SMIM40: variants seen among roughly 807,000 people sequenced by gnomAD.
The protein encoded by SMIM40 is small integral membrane protein 40.
At chr6:33,324,670 G>C (rs1343387729) in intron 1 of SMIM40, among the ~76,000 whole-genome samples, 5 of 147,654 alleles carry the variant, frequency 3.4e-5, no homozygotes, top group Non-Finnish European at 7.5e-5. Context: ...GTATCATGGG[G>C]TCAAGAGATC....
intron 1 of SMIM40, 21 bp downstream of exon 1, chr6:33,328,966 C>T: frequency 5.0e-6 from 2 of 396,118 alleles, no homozygotes; most frequent in Non-Finnish European, 8.9e-6. Flanking sequence ...ACTCCCATTT[C>T]CCTCCTGTCT....
At chr6:33,328,236 C>T (rs970330910) in intron 1 of SMIM40, among the ~76,000 whole-genome samples, 2 of 150,858 alleles carry the variant, frequency 1.3e-5, no homozygotes, top group Non-Finnish European at 3.0e-5. Flanking sequence ...TCACCCAGGC[C>T]GGAGTGCAAT....
chr6:33,328,160 AT>A (rs1411767274), intron 1 of SMIM40, among the ~76,000 whole-genome samples: 3 of 151,484 alleles, frequency 2.0e-5, no homozygotes, highest in African/African-American at 7.3e-5. Flanking sequence ...CCTTGAAACA[AT>A]TTTTATTTAT....
At chr6:33,325,836 C>CG (rs1771138828) in intron 1 of SMIM40, among the ~76,000 whole-genome samples, 1 of 143,452 alleles carries the variant, frequency 7.0e-6, no homozygotes. Flanking sequence ...CCAGCCTGGG[C>CG]GACAGAGCGA....
chr6:33,329,181 G>C lies in SMIM40; in HGVS notation c.85C>G (p.Arg29Gly). ...GPSPPRGPVR[R>G]ALDKAFFIFL... ...ATAAAGAAAGCCTTGTCCAAGGCACGTCGCACGGGACCCCTGGGAGGGGAG... is the reference window on the plus strand; with the variant it reads ...ATAAAGAAAGCCTTGTCCAAGGCACCTCGCACGGGACCCCTGGGAGGGGAG... The change falls in exon 1 of 3, where the codon CGT (arginine) becomes GGT (glycine). Residue 29 changes from arginine to glycine, a missense_variant. Physicochemically the swap from Arg to Gly is moderately radical, Grantham distance 125. Transcript: ENST00000494082. 2 of 398,868 alleles carry C rather than the reference G, an allele frequency of 5.0e-6. No individual in the cohort carries two copies. The highest frequency in any genetic ancestry group is 8.8e-6 in the Non-Finnish European group (2 of 226,230). 24.7% of individuals were successfully genotyped at this position (398,868 alleles called of 1,614,324 possible). A position where few individuals can be genotyped will look rare whatever the true frequency, so the allele number is the denominator to read the frequency against.
chr6:33,324,882 CAAAAAAAAAAAAA>C (rs376451265), intron 1 of SMIM40, among the ~76,000 whole-genome samples: 11 of 47,242 alleles, frequency 2.3e-4, no homozygotes, highest in South Asian at 1.4e-3. Context: ...GAGATTATCT[CAAAAAAAAAAAAA>C]AAAAAAAAAA....
intron 1 of SMIM40, among the ~76,000 whole-genome samples, chr6:33,328,708 G>T (rs1245962805): frequency 1.3e-5 from 2 of 151,770 alleles, no homozygotes; most frequent in East Asian, 3.9e-4. Context: ...CTAACATGGA[G>T]AAACCTTGTC....
chr6:33,328,151 C>A (rs1280230052), intron 1 of SMIM40, among the ~76,000 whole-genome samples: 1 of 151,252 alleles, frequency 6.6e-6, no homozygotes, highest in Non-Finnish European at 1.5e-5. Context: ...GAATTACATC[C>A]TTGAAACAAT....
chr6:33,324,545 C>CTTTTTTT (rs9280406), intron 1 of SMIM40, among the ~76,000 whole-genome samples: 1 of 103,212 alleles, frequency 9.7e-6, no homozygotes, highest in Non-Finnish European at 1.9e-5. Flanking sequence ...ACCACCTTTT[C>CTTTTTTT]TTTTTTTTTT....
At chr6:33,327,648 T>A (rs537896104) in intron 1 of SMIM40, among the ~76,000 whole-genome samples, 1 of 151,786 alleles carries the variant, frequency 6.6e-6, no homozygotes, top group African/African-American at 2.4e-5. Context: ...TCACTTGAGG[T>A]CAGGAGTTCC....
intron 1 of SMIM40, among the ~76,000 whole-genome samples, chr6:33,325,111 A>G (rs3130101): frequency 0.42 from 62,444 of 150,262 alleles, 14,515 homozygotes; most frequent in South Asian, 0.61. Context: ...TCATGCCTGT[A>G]ATCCCAGAAC....
chr6:33,326,345 AT>A (rs9282495), intron 1 of SMIM40, among the ~76,000 whole-genome samples: 67 of 138,248 alleles, frequency 4.8e-4, no homozygotes, highest in Admixed American at 5.7e-4. Context: ...TATTTTTTGT[AT>A]TTTTTTTTTT....
At chr6:33,327,036 A>G (rs1296156554) in intron 1 of SMIM40, among the ~76,000 whole-genome samples, 2 of 149,154 alleles carry the variant, frequency 1.3e-5, no homozygotes, top group African/African-American at 5.2e-5. Context: ...AGGCAGGAGA[A>G]TCGCTTGAAC....
intron 1 of SMIM40, among the ~76,000 whole-genome samples, chr6:33,327,297 C>T (rs1771261238): frequency 6.7e-6 from 1 of 149,630 alleles, no homozygotes; most frequent in African/African-American, 2.6e-5. Context: ...TGGCTCGCGC[C>T]TTTAGTCCCA....
rs1049057511 is a variant in SMIM40 at position 33,326,848 on chromosome 6, G to A, written c.*39+2139C>T. Reference sequence around the variant, plus strand: ...CAAAAAATAAAAAAATAGGCCGGGCGTGGTGGCTCAAACCTGTAATCCCAG... The same window carrying A: ...CAAAAAATAAAAAAATAGGCCGGGCATGGTGGCTCAAACCTGTAATCCCAG... On this transcript the variant is annotated intron_variant, in intron 1 of 2. Transcript: ENST00000494082. 4.3e-5 allele frequency among the ~76,000 whole-genome samples: 6 copies of A among 140,178 alleles called. No individual in the cohort carries two copies. The East Asian group carries it at 1.1e-3, about 25-fold the overall frequency. The allele number at this position is 140,178 out of a possible 152,430, so 92.0% of individuals were successfully genotyped here.
At position 33,328,981 on chromosome 6, in the gene SMIM40, T is replaced by A; in HGVS notation, c.*39+6A>T. 1 of 353,048 alleles carries A rather than the reference T, an allele frequency of 2.8e-6. No homozygotes were observed. The highest frequency in any genetic ancestry group is 4.4e-5 in the East Asian group (1 of 22,580). 21.9% of individuals were successfully genotyped at this position (353,048 alleles called of 1,614,324 possible). On this transcript the variant is annotated splice_donor_region_variant and intron_variant, in intron 1 of 2. Coordinates refer to ENST00000494082, the MANE Select transcript of SMIM40 (RefSeq NM_001369203.1). Reference sequence around the variant, plus strand: ...ACTCCCATTTCCCTCCTGTCTCCCCTCTCACCTCCTTGGTGGGGAAAGAAG... The same window carrying A: ...ACTCCCATTTCCCTCCTGTCTCCCCACTCACCTCCTTGGTGGGGAAAGAAG...
intron 1 of SMIM40, among the ~76,000 whole-genome samples, chr6:33,326,175 T>G (rs1241192221): frequency 2.0e-5 from 3 of 148,084 alleles, no homozygotes; most frequent in African/African-American, 7.9e-5. Flanking sequence ...TTTTTTTTTT[T>G]TTTGAGATGG....
In SMIM40 at chr6:33,329,257, C is replaced by T. The variant is rs1449459398; in HGVS notation, c.9G>A (p.Glu3=). 2 of 398,756 alleles carry T rather than the reference C, an allele frequency of 5.0e-6. No individual in the cohort carries two copies. Among genetic ancestry groups the T allele is most frequent in the Admixed American group, 8.8e-5 (2 of 22,722 alleles). The allele number at this position is 398,756 out of a possible 1,614,324, so 24.7% of individuals were successfully genotyped here. The part of the protein sequence containing the change: MA[E]EGDVDEADVF... ...CATCCGCCTCGTCCACATCACCTTC[C>T]TCTGCCATCCTGACTCACAGTCAGA... is the stretch of plus-strand genomic sequence containing the variant. Residue 3 remains glutamate (E), a synonymous_variant, in exon 1 of 3, where the codon GAG becomes GAA. Transcript: ENST00000494082.
intron 1 of SMIM40, among the ~76,000 whole-genome samples, chr6:33,327,903 A>G (rs1771305824): frequency 1.4e-5 from 2 of 145,820 alleles, no homozygotes; most frequent in Admixed American, 6.9e-5. Context: ...AGCGTGGCCA[A>G]CATGGTGAAA....
Sources: gnomAD v4.1 joint callset for allele counts (sites outside exome capture counted in the v4.1 genomes callset) on GRCh38, gnomAD v4.1.1 for gene constraint, MANE v1.5 for transcripts, NCBI Gene and HGNC (gene_info 2026-07-23, HGNC 2026-07-21) for gene names.